The following AMOTL1 variants were observed in gnomAD, a reference collection of about 807,000 sequenced individuals.
The protein encoded by AMOTL1 is angiomotin-like protein 1.
A neutral mutation model predicts 102.9 loss-of-function variants in AMOTL1; 45 were observed. The ratio of observed to expected loss-of-function variants is 0.44; its 90% CI spans 0.34 to 0.56. The LOEUF (loss-of-function observed/expected upper bound fraction) is 0.56, where lower values mean the gene tolerates loss of function less well. Among genes scored for constraint, AMOTL1 ranks in the 20% least tolerant of loss-of-function variants. The probability of loss-of-function intolerance (pLI) is 0.01; values close to 1 mark genes in which losing one functional copy is unlikely to be tolerated. For missense variants in AMOTL1, 1,114 were observed against 1,225.6 expected (o/e 0.91, Z 1.36); for synonymous variants, 481 against 484.7 (o/e 0.99, Z 0.10).
At position 94,872,921 on chromosome 11, in the gene AMOTL1, A is replaced by G. The variant is rs536874923; in HGVS notation, c.*2126A>G. On this transcript the variant is annotated 3_prime_UTR_variant, in exon 13 of 13. Transcript: ENST00000433060. Reference sequence around the variant, plus strand: ...CACATTTCATAGGAGATGAGTTAGGAGATGACAGCTAACTCTCTTAAGGAC... The same window carrying G: ...CACATTTCATAGGAGATGAGTTAGGGGATGACAGCTAACTCTCTTAAGGAC... 1.3e-5 allele frequency: 2 copies of G among 152,292 alleles called. No individual in the cohort carries two copies. The highest frequency in any genetic ancestry group is 1.3e-4 in the Admixed American group (2 of 15,294). The allele number at this position is 152,292 out of a possible 1,614,324, so 9.4% of individuals were successfully genotyped here. A position where few individuals can be genotyped will look rare whatever the true frequency, so the allele number is the denominator to read the frequency against.
rs1313354931 is a variant in AMOTL1 at position 94,870,718 on chromosome 11, G to T, written c.2794G>T (p.Asp932Tyr). 1.9e-6 allele frequency: 3 copies of T among 1,603,618 alleles called. No individual in the cohort carries two copies. The African/African-American group carries it at 4.0e-5, about 21-fold the overall frequency. ...CTCTCCTGGCCATGGGAAGTCGCCT[G>T]ACCACAGAGGCCGGGTCAGCAGCTT... ...ENSPGHGKSP[D>Y]HRGRVSSLLH... The change falls in exon 13 of 13, where the codon GAC becomes TAC. Residue 932 changes from aspartate (D) to tyrosine (Y), a missense_variant. Coordinates refer to ENST00000433060, the MANE Select transcript of AMOTL1 (RefSeq NM_130847.3).
chr11:94,854,169 A>G, intron 8 of AMOTL1, 87 bp downstream of exon 8: 1 of 1,414,472 alleles, frequency 7.1e-7, no homozygotes, highest in Non-Finnish European at 9.3e-7. Flanking sequence ...CAGATCCTGC[A>G]CCTTGCTCCC....
intron 1 of AMOTL1, among the ~76,000 whole-genome samples, chr11:94,713,586 C>T (rs1021657329): frequency 2.6e-5 from 4 of 151,616 alleles, no homozygotes; most frequent in African/African-American, 4.8e-5. Flanking sequence ...TATACAGATT[C>T]TGTAGGTATT....
chr11:94,793,399 G>A (rs766774524), intron 1 of AMOTL1, among the ~76,000 whole-genome samples: 6 of 152,158 alleles, frequency 3.9e-5, no homozygotes, highest in Non-Finnish European at 5.9e-5. Flanking sequence ...CATTGGAATT[G>A]TTGGAAGAGC....
rs753419394 is a variant in AMOTL1, at chr11:94,799,480, C to T, written c.290C>T (p.Thr97Ile). 9.3e-6 allele frequency: 15 copies of T among 1,611,754 alleles called. No homozygotes were observed. The East Asian group carries it at 2.2e-4, about 24-fold the overall frequency. Reference sequence around the variant, plus strand: ...GGTTCCGAGGATGCGGCAGCTGGAACAGTATTGCAGCGGCTGATCCAGGAA... The same window carrying T: ...GGTTCCGAGGATGCGGCAGCTGGAATAGTATTGCAGCGGCTGATCCAGGAA... Reference protein sequence around the residue: ...MRGSEDAAAGTVLQRLIQEQL... With the variant: ...MRGSEDAAAGIVLQRLIQEQL... The change falls in exon 3 of 13, where the codon ACA becomes ATA. Residue 97 changes from threonine to isoleucine, a missense_variant. By Grantham distance (89) the Thr-to-Ile change is moderately conservative. Transcript: ENST00000433060. The surrounding 1 kb of genome is among the most constrained non-coding windows in gnomAD (Gnocchi z 4.5).
intron 6 of AMOTL1, among the ~76,000 whole-genome samples, chr11:94,841,973 C>T (rs774543673): frequency 2.6e-5 from 4 of 152,072 alleles, no homozygotes; most frequent in East Asian, 1.9e-4. Context: ...AAACTCACTG[C>T]GGGTTCTGGA....
At chr11:94,734,157 A>T (rs1950400326) in intron 2 of AMOTL1, among the ~76,000 whole-genome samples, 1 of 152,156 alleles carries the variant, frequency 6.6e-6, no homozygotes, top group Non-Finnish European at 1.5e-5. Context: ...GTCAGAGTTA[A>T]TTTCATTTCA....
At chr11:94,768,648 G>A in intron 1 of AMOTL1, 88 bp downstream of exon 1, 1 of 1,537,264 alleles carries the variant, frequency 6.5e-7, no homozygotes. Flanking sequence ...CCGGGCCCCT[G>A]CTGCTCACGG....
rs150030105 is a variant in AMOTL1 at position 94,773,939 on chromosome 11, C to T, written c.49+5379C>T. ...GAGAACAGGTGTATCCTGGCCCTGC[C>T]GCCTCCTTGCTGTGTGACCTCGGAA... On this transcript the variant is annotated intron_variant, in intron 1 of 12. Coordinates refer to ENST00000433060, the MANE Select transcript of AMOTL1 (RefSeq NM_130847.3). 4.2e-3 allele frequency among the ~76,000 whole-genome samples: 638 copies of T among 152,264 alleles called. 13 individuals are homozygous for T. Among genetic ancestry groups the T allele is most frequent in the South Asian group, 0.034 (166 of 4,820 alleles).
chr11:94,819,830 T>C (rs1362373588), intron 3 of AMOTL1, among the ~76,000 whole-genome samples: 1 of 152,238 alleles, frequency 6.6e-6, no homozygotes, highest in Non-Finnish European at 1.5e-5. Context: ...GTTCATACCC[T>C]TTATATTTCT....
intron 1 of AMOTL1, among the ~76,000 whole-genome samples, chr11:94,783,263 T>C (rs1158274452): frequency 1.3e-5 from 2 of 152,222 alleles, no homozygotes; most frequent in South Asian, 2.1e-4. Flanking sequence ...CTCATGGGGA[T>C]TGAGTGAGTT....
chr11:94,774,570 C>T (rs1403110188), intron 1 of AMOTL1, among the ~76,000 whole-genome samples: 1 of 152,142 alleles, frequency 6.6e-6, no homozygotes, highest in Admixed American at 6.5e-5. Flanking sequence ...TGTACAATTC[C>T]AGGACAGTTG....
chr11:94,732,313 C>T (rs1352495901), intron 2 of AMOTL1, among the ~76,000 whole-genome samples: 4 of 152,060 alleles, frequency 2.6e-5, no homozygotes, highest in South Asian at 2.1e-4. Context: ...CAACATCTGC[C>T]CTTCTATTAT....
chr11:94,862,241 A>G lies in AMOTL1; in HGVS notation c.2136-2494A>G, dbSNP rs560388094. On this transcript the variant is annotated intron_variant, in intron 9 of 12. Coordinates refer to ENST00000433060, the MANE Select transcript of AMOTL1 (RefSeq NM_130847.3). ...GTTCAGAGAACCTCAGATAGCTCCA[A>G]TCTTAATGTTCTTTTCAAAGAAAAC... Among the ~76,000 whole-genome samples the G allele has an allele frequency of 8.5e-5, 13 of 152,218 alleles. No homozygotes were observed. In the East Asian group the frequency reaches 2.3e-3, roughly 27 times the overall value.
At chr11:94,824,299 G>A (rs1951922804) in intron 4 of AMOTL1, among the ~76,000 whole-genome samples, 1 of 152,126 alleles carries the variant, frequency 6.6e-6, no homozygotes, top group African/African-American at 2.4e-5. Context: ...TTTAAGCAAA[G>A]CCAATTTTTT....
chr11:94,731,389 C>T (rs997621757), intron 2 of AMOTL1, among the ~76,000 whole-genome samples: 5 of 152,064 alleles, frequency 3.3e-5, no homozygotes, highest in African/African-American at 1.2e-4. Context: ...TCCTTGTGGG[C>T]AGCTGATACT....
intron 1 of AMOTL1, among the ~76,000 whole-genome samples, chr11:94,792,554 G>A (rs932460340): frequency 6.6e-6 from 1 of 152,236 alleles, no homozygotes; most frequent in Non-Finnish European, 1.5e-5. Context: ...TAGACGAGTG[G>A]ATGGTACCTG....
At chr11:94,785,120 A>G (rs1951165408) in intron 1 of AMOTL1, among the ~76,000 whole-genome samples, 1 of 152,206 alleles carries the variant, frequency 6.6e-6, no homozygotes, top group South Asian at 2.1e-4. Flanking sequence ...CACAAAGAGA[A>G]TGGTTCTGGA....
At chr11:94,754,813 TA>T (rs11358493) in intron 3 of AMOTL1, among the ~76,000 whole-genome samples, 5,514 of 152,292 alleles carry the variant, frequency 0.036, 403 homozygotes, top group East Asian at 0.28. Flanking sequence ...AAACAGTGAA[TA>T]TTTTTTTTAG....
Sources: allele counts gnomAD v4.1 joint callset (sites outside exome capture counted in the v4.1 genomes callset), GRCh38; gene constraint gnomAD v4.1.1; non-coding constraint Gnocchi (gnomAD v3.1); transcripts MANE v1.5; gene names NCBI Gene and HGNC (gene_info 2026-07-23, HGNC 2026-07-21).